The following LRRC7 variants were observed in gnomAD, a reference collection of about 807,000 sequenced individuals.
LRRC7 encodes the protein leucine-rich repeat-containing protein 7.
LRRC7 carries 23 observed loss-of-function variants against 175.7 expected under a neutral mutation model. The observed-to-expected ratio is 0.13, with a 90% confidence interval of 0.09 to 0.19. The LOEUF (loss-of-function observed/expected upper bound fraction) is 0.19. Among genes scored for constraint, LRRC7 ranks in the 10% least tolerant of loss-of-function variants. LRRC7 has a pLI of 1.00. For synonymous variants in LRRC7, 685 were observed against 680.9 expected (o/e 1.01, Z -0.09); for missense variants, 1,354 against 1,904.7 (o/e 0.71, Z 5.38).
intron 2 of LRRC7, among the ~76,000 whole-genome samples, chr1:69,748,561 T>C (rs1669499377): frequency 6.6e-6 from 1 of 152,196 alleles, no homozygotes; most frequent in Non-Finnish European, 1.5e-5. Context: ...ATAAAGTATT[T>C]GATTAAAACA....
chr1:69,623,955 T>C (rs1651074851), intron 1 of LRRC7, among the ~76,000 whole-genome samples: 2 of 152,228 alleles, frequency 1.3e-5, no homozygotes, highest in Admixed American at 6.5e-5. Flanking sequence ...ATGAACACTG[T>C]ATGTTTCTCA....
intron 3 of LRRC7, among the ~76,000 whole-genome samples, chr1:69,779,047 C>G (rs984040189): frequency 3.3e-5 from 5 of 151,394 alleles, no homozygotes; most frequent in Admixed American, 2.6e-4. Context: ...CACACACACA[C>G]AGATACATAC....
rs1570677118 is a variant in LRRC7 at position 69,924,964 on chromosome 1, G to C, written c.648-6543G>C. Among the ~76,000 whole-genome samples, 3 of 152,168 alleles carry C rather than the reference G, an allele frequency of 2.0e-5. No individual in the cohort carries two copies. In the South Asian group the frequency reaches 6.2e-4, roughly 32 times the overall value. On this transcript the variant is annotated intron_variant, in intron 7 of 26. Transcript: ENST00000651989. ...TCATAGATAGCTCTTATTATTTTGA[G>C]ATACATCCCATCAATACCTAATTTA...
chr1:69,970,709 A>G (rs1003696214), intron 8 of LRRC7, among the ~76,000 whole-genome samples: 10 of 152,196 alleles, frequency 6.6e-5, no homozygotes, highest in Non-Finnish European at 1.0e-4. Flanking sequence ...TTCAAAGAAG[A>G]ATTGATGTCA....
chr1:70,139,564 G>C lies in LRRC7; in HGVS notation c.*17677G>C, dbSNP rs574914683. On this transcript the variant is annotated 3_prime_UTR_variant, in exon 27 of 27. Coordinates refer to ENST00000651989, the MANE Select transcript of LRRC7 (RefSeq NM_001370785.2). ...TTATGTTTTTAGTTTTTCCTTTGTG[G>C]GTGAGGGAAGAAGAGGACATCAGGT... 6.6e-6 allele frequency: 1 copy of C among 152,254 alleles called. No homozygotes were observed. The highest frequency in any genetic ancestry group is 2.1e-4 in the South Asian group (1 of 4,820). 9.4% of individuals were successfully genotyped at this position (152,254 alleles called of 1,614,324 possible). A position where few individuals can be genotyped will look rare whatever the true frequency, so the allele number is the denominator to read the frequency against.
rs147214720 is a variant in LRRC7, at chr1:69,616,093, C to A, written c.2+47452C>A. On this transcript the variant is annotated intron_variant, in intron 1 of 26. Coordinates refer to ENST00000651989, the MANE Select transcript of LRRC7 (RefSeq NM_001370785.2). ...CTACTACCACTTATGAATCCAATGT[C>A]ATGTTAGCATTGTGAAGTATACAAG... Among the ~76,000 whole-genome samples the A allele has an allele frequency of 3.9e-3, 587 of 152,168 alleles. 2 individuals carry two copies. Among genetic ancestry groups the A allele is most frequent in the Non-Finnish European group, 6.8e-3 (465 of 67,980 alleles).
intron 1 of LRRC7, among the ~76,000 whole-genome samples, chr1:69,654,105 CAT>C (rs1656249915): frequency 6.6e-6 from 1 of 150,788 alleles, no homozygotes; most frequent in Non-Finnish European, 1.5e-5. Context: ...ATTTAGATCT[CAT>C]GTTATTTATT....
rs907568003 is a variant in LRRC7 at position 70,124,892 on chromosome 1, T to G, written c.*3005T>G. Reference sequence around the variant, plus strand: ...GTTTATATGTGATAAGTCAGTAAGATCTAATGGAGGAGACTGAGAAACATT... The same window carrying G: ...GTTTATATGTGATAAGTCAGTAAGAGCTAATGGAGGAGACTGAGAAACATT... On this transcript the variant is annotated 3_prime_UTR_variant, in exon 27 of 27. Transcript: ENST00000651989. Among the ~76,000 whole-genome samples the G allele has an allele frequency of 1.8e-4, 28 of 152,182 alleles. No individual in the cohort carries two copies. The highest frequency in any genetic ancestry group is 1.3e-4 in the Admixed American group (2 of 15,268).
At chr1:69,617,078 G>A (rs1649754381) in intron 1 of LRRC7, among the ~76,000 whole-genome samples, 1 of 152,042 alleles carries the variant, frequency 6.6e-6, no homozygotes, top group South Asian at 2.1e-4. Flanking sequence ...ATCCCAAGCT[G>A]CATGTCAAAG....
intron 7 of LRRC7, among the ~76,000 whole-genome samples, chr1:69,863,856 A>G (rs1684622531): frequency 6.6e-6 from 1 of 152,188 alleles, no homozygotes. Flanking sequence ...CTTAAAAACC[A>G]TAATAACTTC....
At chr1:69,771,643 C>T (rs921081327) in intron 3 of LRRC7, among the ~76,000 whole-genome samples, 1 of 152,134 alleles carries the variant, frequency 6.6e-6, no homozygotes, top group Non-Finnish European at 1.5e-5. Flanking sequence ...TTTGTTTGTT[C>T]ATTCAGCAAG....
intron 1 of LRRC7, among the ~76,000 whole-genome samples, chr1:69,616,103 T>C (rs1318329612): frequency 6.6e-6 from 1 of 152,092 alleles, no homozygotes; most frequent in Non-Finnish European, 1.5e-5. Flanking sequence ...CATGTTAGCA[T>C]TGTGAAGTAT....
At chr1:69,846,074 G>A (rs1384714246) in intron 7 of LRRC7, among the ~76,000 whole-genome samples, 1 of 151,978 alleles carries the variant, frequency 6.6e-6, no homozygotes, top group East Asian at 1.9e-4. Context: ...TTCTCACTTG[G>A]TGTTATATTT....
rs1337454278 is a variant in LRRC7, at chr1:69,569,941, G to A, written c.2+1300G>A. ...AAAAAAAAAAAAAGCGATGGGGGTGGGGATCGGTAAGACACAGGGGTCCTC... is the reference window on the plus strand; with the variant it reads ...AAAAAAAAAAAAAGCGATGGGGGTGAGGATCGGTAAGACACAGGGGTCCTC... On this transcript the variant is annotated intron_variant, in intron 1 of 26. Transcript: ENST00000651989. Among the ~76,000 whole-genome samples, 3 of 151,148 alleles carry A rather than the reference G, an allele frequency of 2.0e-5. No individual in the cohort carries two copies. The East Asian group carries it at 5.8e-4, about 29-fold the overall frequency.
In LRRC7 at chr1:69,923,727, G is replaced by A. The variant is rs868189252; in HGVS notation, c.648-7780G>A. ...GCCCTTTGTCAGATGAGTAGGTTGC[G>A]AAAATTTTCTCCCATTTTGTGGGTT... is the stretch of plus-strand genomic sequence containing the variant. On this transcript the variant is annotated intron_variant, in intron 7 of 26. Transcript: ENST00000651989. 7.7e-3 allele frequency among the ~76,000 whole-genome samples: 1,167 copies of A among 151,682 alleles called. 14 individuals are homozygous for A. The highest frequency in any genetic ancestry group is 0.025 in the African/African-American group (1,050 of 41,318).
chr1:69,857,924 T>C (rs1457122046), intron 7 of LRRC7, among the ~76,000 whole-genome samples: 1 of 152,108 alleles, frequency 6.6e-6, no homozygotes, highest in Non-Finnish European at 1.5e-5. Context: ...TATAGATCAA[T>C]GGAACAGAAC....
intron 2 of LRRC7, among the ~76,000 whole-genome samples, chr1:69,685,392 A>G (rs983443114): frequency 6.6e-6 from 1 of 152,174 alleles, no homozygotes; most frequent in Non-Finnish European, 1.5e-5. Flanking sequence ...ACTGACCCCA[A>G]TACTAAGACA....
rs1188846658 is a variant in LRRC7, at chr1:70,076,172, C to G, written c.4326C>G (p.Thr1442=). ...QPYEGNINKV[T]IQQFQSPLPI... ...ATGAAGGAAATATAAACAAAGTGAC[C>G]ATCCAGCAATTTCAGTCACCATTGC... Residue 1442 remains threonine (T), a synonymous_variant, in exon 24 of 27, where the codon ACC becomes ACG. Coordinates refer to ENST00000651989, the MANE Select transcript of LRRC7 (RefSeq NM_001370785.2). 6.2e-7 allele frequency: 1 copy of G among 1,613,974 alleles called. No homozygotes were observed. The highest frequency in any genetic ancestry group is 8.5e-7 in the Non-Finnish European group (1 of 1,180,010).
At chr1:69,709,976 G>A (rs1158542472) in intron 2 of LRRC7, among the ~76,000 whole-genome samples, 1 of 151,888 alleles carries the variant, frequency 6.6e-6, no homozygotes, top group Non-Finnish European at 1.5e-5. Context: ...ATAATGGTAG[G>A]GATGATCTAG....
Sources: allele counts gnomAD v4.1 joint callset (sites outside exome capture counted in the v4.1 genomes callset), GRCh38; gene constraint gnomAD v4.1.1; transcripts MANE v1.5; gene names NCBI Gene and HGNC (gene_info 2026-07-23, HGNC 2026-07-21).